TOMM20L: variants seen among roughly 807,000 people sequenced by gnomAD.
TOMM20L encodes TOMM20-like protein 1.
TOMM20L carries 19 observed loss-of-function variants against 20.4 expected under a neutral mutation model. That is an observed-to-expected ratio of 0.93 (90% CI 0.65 to 1.36). The LOEUF is 1.36. Ranked by LOEUF, TOMM20L falls within the 40% of genes most tolerant of loss-of-function variation. TOMM20L has a pLI of 0.00. For missense variants in TOMM20L, 218 were observed against 203.7 expected (o/e 1.07, Z -0.43); for synonymous variants, 75 against 79.6 (o/e 0.94, Z 0.30).
chr14:58,404,099 G>GTGTGTGTATATA (rs1408980666), intron 3 of TOMM20L, among the ~76,000 whole-genome samples: 431 of 22,940 alleles, frequency 0.019, 78 homozygotes, highest in Non-Finnish European at 0.028. Flanking sequence ...ACATATATAT[G>GTGTGTGTATATA]TATATATATA....
the TOMM20L span, among the ~76,000 whole-genome samples, chr14:58,416,569 G>A: frequency 1.3e-4 from 20 of 152,200 alleles, no homozygotes; most frequent in Admixed American, 6.5e-5. Context: ...AATGATAAAA[G>A]TAGTAGTCCT....
intron 2 of TOMM20L, among the ~76,000 whole-genome samples, chr14:58,400,605 C>T (rs567531400): frequency 3.4e-4 from 52 of 151,928 alleles, no homozygotes; most frequent in African/African-American, 1.2e-3. Flanking sequence ...TTATGGCCGG[C>T]GCGGTGGCTC....
At chr14:58,402,995 A>G (rs541153942) in intron 3 of TOMM20L, among the ~76,000 whole-genome samples, 116 of 152,344 alleles carry the variant, frequency 7.6e-4, no homozygotes, top group Non-Finnish European at 1.2e-3. Flanking sequence ...GCCAAATACA[A>G]AAATACCTCA....
At chr14:58,401,789 C>T (rs1209932887) in intron 2 of TOMM20L, among the ~76,000 whole-genome samples, 1 of 152,150 alleles carries the variant, frequency 6.6e-6, no homozygotes, top group African/African-American at 2.4e-5. Flanking sequence ...CCATGGTCGC[C>T]TTCATGAACC....
At chr14:58,402,158 C>A (rs538418948) in intron 2 of TOMM20L, among the ~76,000 whole-genome samples, 1 of 152,186 alleles carries the variant, frequency 6.6e-6, no homozygotes, top group African/African-American at 2.4e-5. Flanking sequence ...CTCAACCTAA[C>A]AAATATTTCA....
intron 2 of TOMM20L, among the ~76,000 whole-genome samples, chr14:58,400,422 C>CAA (rs1294392495): frequency 3.5e-5 from 2 of 56,416 alleles, no homozygotes; most frequent in Admixed American, 2.0e-4. Flanking sequence ...ACTCTGTCTC[C>CAA]AAAAAAAAAA....
the TOMM20L span, among the ~76,000 whole-genome samples, chr14:58,416,801 A>C: frequency 6.6e-6 from 1 of 152,180 alleles, no homozygotes; most frequent in African/African-American, 2.4e-5. Flanking sequence ...TTTAGTACTA[A>C]ATGCATACAT....
downstream of TOMM20L, chr14:58,412,069 G>T: frequency 2.3e-6 from 2 of 873,392 alleles, no homozygotes; most frequent in South Asian, 3.1e-5. Flanking sequence ...TTATAAATCT[G>T]TGTATGTAAT....
intron 3 of TOMM20L, among the ~76,000 whole-genome samples, chr14:58,404,904 C>A (rs1318190007): frequency 6.6e-6 from 1 of 151,702 alleles, no homozygotes; most frequent in Non-Finnish European, 1.5e-5. Context: ...AGTGACTTTA[C>A]ATAAACCAGT....
intron 3 of TOMM20L, among the ~76,000 whole-genome samples, chr14:58,405,991 C>T (rs1179999639): frequency 6.6e-6 from 1 of 152,102 alleles, no homozygotes; most frequent in Non-Finnish European, 1.5e-5. Flanking sequence ...CATTGAGAAC[C>T]AACCAGTACA....
At chr14:58,409,947 C>T (rs565232360), downstream of TOMM20L, among the ~76,000 whole-genome samples, 1 of 152,020 alleles carries the variant, frequency 6.6e-6, no homozygotes, top group South Asian at 2.1e-4. Context: ...CTCACTGTGG[C>T]CTCAACCTCC....
chr14:58,412,321 T>C (rs980793352), downstream of TOMM20L, among the ~76,000 whole-genome samples: 1 of 152,194 alleles, frequency 6.6e-6, no homozygotes, highest in Non-Finnish European at 1.5e-5. Context: ...TTTGTATTTT[T>C]AGTAGAGATG....
chr14:58,408,465 G>C, intron 4 of TOMM20L, 64 bp from the exon 5 acceptor site: 1 of 1,443,504 alleles, frequency 6.9e-7, no homozygotes, highest in Non-Finnish European at 9.7e-7. Context: ...CCTGACACAA[G>C]GGAGGCAAGA....
intron 4 of TOMM20L, 100 bp from the exon 5 acceptor site, chr14:58,408,429 A>C (rs1449505645): frequency 1.7e-6 from 2 of 1,144,674 alleles, no homozygotes; most frequent in Non-Finnish European, 2.5e-6. Context: ...AAAAAAAAAA[A>C]AAAGAAAAGT....
At chr14:58,400,320 G>A (rs1385200753) in intron 2 of TOMM20L, among the ~76,000 whole-genome samples, 3 of 151,010 alleles carry the variant, frequency 2.0e-5, no homozygotes, top group African/African-American at 4.9e-5. Flanking sequence ...CAAGAGAATC[G>A]CTTGAACCTG....
the TOMM20L span, among the ~76,000 whole-genome samples, chr14:58,415,242 G>A: frequency 2.0e-5 from 3 of 151,936 alleles, no homozygotes; most frequent in African/African-American, 4.8e-5. Context: ...TTGTCAAAAG[G>A]AGCCAGATAA....
chr14:58,413,849 T>C, the TOMM20L span, among the ~76,000 whole-genome samples: 1 of 149,810 alleles, frequency 6.7e-6, no homozygotes, highest in Non-Finnish European at 1.5e-5. Context: ...TTACTAAAAA[T>C]ACAAAAAATT....
chr14:58,397,625 G>C (rs1366974606), intron 2 of TOMM20L, among the ~76,000 whole-genome samples: 1 of 152,192 alleles, frequency 6.6e-6, no homozygotes, highest in Non-Finnish European at 1.5e-5. Context: ...AAGATGCAAA[G>C]TGGGGCATCT....
intron 4 of TOMM20L, 88 bp from the exon 5 acceptor site, chr14:58,408,441 T>C (rs549295146): frequency 8.7e-7 from 1 of 1,147,986 alleles, no homozygotes; most frequent in African/African-American, 1.6e-5. Context: ...AAGAAAAGTA[T>C]ATGTAATGCC....
Sources: allele counts gnomAD v4.1 joint callset (sites outside exome capture counted in the v4.1 genomes callset), GRCh38; gene constraint gnomAD v4.1.1; transcripts MANE v1.5; gene names NCBI Gene and HGNC (gene_info 2026-07-23, HGNC 2026-07-21).